The following MAP2K5 variants were observed in gnomAD, a reference collection of about 807,000 sequenced individuals.
MAP2K5 encodes dual specificity mitogen-activated protein kinase kinase 5.
In MAP2K5, 49 loss-of-function variants were observed where a neutral mutation model predicts 83.1. The ratio of observed to expected loss-of-function variants is 0.59; its 90% CI spans 0.47 to 0.75. MAP2K5 has a LOEUF of 0.75. Ranked by LOEUF, MAP2K5 falls within the 30% of genes least tolerant of loss-of-function variation. MAP2K5 has a pLI of 0.00. For synonymous variants in MAP2K5, 202 were observed against 191.8 expected (o/e 1.05, Z -0.44); for missense variants, 457 against 557.5 (o/e 0.82, Z 1.82).
intron 21 of MAP2K5, among the ~76,000 whole-genome samples, chr15:67,797,254 T>C (rs145928390): frequency 6.6e-6 from 1 of 152,362 alleles, no homozygotes; most frequent in East Asian, 1.9e-4. Context: ...TTATATATAG[T>C]TACTGCTTGT....
At chr15:67,633,112 C>T (rs946433494) in intron 9 of MAP2K5, among the ~76,000 whole-genome samples, 4 of 152,182 alleles carry the variant, frequency 2.6e-5, no homozygotes, top group South Asian at 2.1e-4. Context: ...GCTCACCGAG[C>T]GCGGCCCAGT....
In MAP2K5 at chr15:67,668,613, C is replaced by T. The variant is rs1458586655; in HGVS notation, c.847+3968C>T. On this transcript the variant is annotated intron_variant, in intron 13 of 21. Transcript: ENST00000178640. This position sits in a 1 kb window ranked among gnomAD's most constrained non-coding sequence, Gnocchi z 4.0. ...ATAAACCTACAGCTCCAGTCATAGC[C>T]ATCATTACCCACATCAAACATAAAT... 1.3e-5 allele frequency among the ~76,000 whole-genome samples: 2 copies of T among 152,110 alleles called. No individual in the cohort carries two copies. Among genetic ancestry groups the T allele is most frequent in the South Asian group, 2.1e-4 (1 of 4,824 alleles).
At chr15:67,797,873 G>T (rs1007376322) in intron 21 of MAP2K5, among the ~76,000 whole-genome samples, 5 of 152,108 alleles carry the variant, frequency 3.3e-5, no homozygotes, top group African/African-American at 1.2e-4. Context: ...AGTAGAGACA[G>T]GGTTTCACCG....
chr15:67,573,413 G>T lies in MAP2K5; in HGVS notation c.253-7341G>T, dbSNP rs1199352709. On this transcript the variant is annotated intron_variant, in intron 3 of 21. Transcript: ENST00000178640. This position sits in a 1 kb window ranked among gnomAD's most constrained non-coding sequence, Gnocchi z 4.2. Reference sequence around the variant, plus strand: ...GACAGTTGGGTAGAGGGTGGGGCGGGAGTTGCCACACACTTTTAAACCATC... The same window carrying T: ...GACAGTTGGGTAGAGGGTGGGGCGGTAGTTGCCACACACTTTTAAACCATC... Among the ~76,000 whole-genome samples the T allele has an allele frequency of 6.6e-6, 1 of 152,066 alleles. No individual in the cohort carries two copies. The highest frequency in any genetic ancestry group is 1.5e-5 in the Non-Finnish European group (1 of 68,008).
At chr15:67,740,141 C>G (rs2089461172) in intron 17 of MAP2K5, among the ~76,000 whole-genome samples, 1 of 152,148 alleles carries the variant, frequency 6.6e-6, no homozygotes, top group African/African-American at 2.4e-5. Context: ...TTTCAGGAAC[C>G]TTTAATAAGT....
rs1475754720 is a variant in MAP2K5, at chr15:67,806,801, C to G, written c.*51C>G. 6 of 1,596,276 alleles carry G rather than the reference C, an allele frequency of 3.8e-6. No homozygotes were observed. The highest frequency in any genetic ancestry group is 5.1e-6 in the Non-Finnish European group (6 of 1,178,308). ...AGGACCAGTAACCAAGGAGAACAAC[C>G]CACCCGTCGCCCTTCTCCGTATGCT... On this transcript the variant is annotated 3_prime_UTR_variant, in exon 22 of 22. Coordinates refer to ENST00000178640, the MANE Select transcript of MAP2K5 (RefSeq NM_145160.3).
intron 13 of MAP2K5, among the ~76,000 whole-genome samples, chr15:67,672,855 G>A (rs1026349525): frequency 1.3e-5 from 2 of 151,416 alleles, no homozygotes; most frequent in Non-Finnish European, 2.9e-5. Context: ...GTAAGGAAGG[G>A]ATCCAGTTTC....
chr15:67,581,335 A>G (rs1167355346), intron 4 of MAP2K5, among the ~76,000 whole-genome samples: 1 of 152,214 alleles, frequency 6.6e-6, no homozygotes, highest in Non-Finnish European at 1.5e-5. Flanking sequence ...CTCCAAAAAT[A>G]TGAGCTGATG....
intron 16 of MAP2K5, among the ~76,000 whole-genome samples, chr15:67,716,174 T>A (rs939485692): frequency 6.6e-6 from 1 of 152,062 alleles, no homozygotes; most frequent in African/African-American, 2.4e-5. Flanking sequence ...TTGTACCTTT[T>A]TAGACAAATA....
intron 8 of MAP2K5, among the ~76,000 whole-genome samples, chr15:67,604,814 G>A (rs1304859538): frequency 1.3e-5 from 2 of 151,790 alleles, no homozygotes; most frequent in East Asian, 2.0e-4. Flanking sequence ...AGAATAGCTT[G>A]AACCCGGGAG....
At chr15:67,592,395 G>A (rs2085434462) in intron 6 of MAP2K5, among the ~76,000 whole-genome samples, 1 of 152,096 alleles carries the variant, frequency 6.6e-6, no homozygotes, top group South Asian at 2.1e-4. Flanking sequence ...GGAAATTGAG[G>A]TTCAGAGAGG....
At chr15:67,734,043 G>A (rs1433571415) in intron 17 of MAP2K5, among the ~76,000 whole-genome samples, 2 of 152,222 alleles carry the variant, frequency 1.3e-5, no homozygotes, top group African/African-American at 2.4e-5. Context: ...TGATTTGGGA[G>A]CTTTGCCTTG....
Position 67,558,599 on chromosome 15 carries a change from A to G in MAP2K5, c.185-4684A>G, listed in dbSNP as rs146739378. 4.6e-5 allele frequency among the ~76,000 whole-genome samples: 7 copies of G among 152,272 alleles called. No homozygotes were observed. The East Asian group carries it at 1.2e-3, about 25-fold the overall frequency. Reference sequence around the variant, plus strand: ...CTTAAAATGCCCTCCAAGGCTCTGCATTTTCGCATCTGGCCTCAACCTGTC... The same window carrying G: ...CTTAAAATGCCCTCCAAGGCTCTGCGTTTTCGCATCTGGCCTCAACCTGTC... On this transcript the variant is annotated intron_variant, in intron 2 of 21. Transcript: ENST00000178640.
chr15:67,543,244 C>G lies in MAP2K5; in HGVS notation c.-92C>G. 7.5e-7 allele frequency: 1 copy of G among 1,334,022 alleles called. No homozygotes were observed. Among genetic ancestry groups the G allele is most frequent in the African/African-American group, 1.4e-5 (1 of 69,806 alleles). The allele number at this position is 1,334,022 out of a possible 1,614,324, so 82.6% of individuals were successfully genotyped here. On this transcript the variant is annotated 5_prime_UTR_variant, in exon 1 of 22. Transcript: ENST00000178640. The surrounding 1 kb of genome is among the most constrained non-coding windows in gnomAD (Gnocchi z 4.3). Reference sequence around the variant, plus strand: ...CTTGTTTTCACCCTCTGTCCTCTGCCCGTCACTCCCCTTGTCACCTCTTGG... The same window carrying G: ...CTTGTTTTCACCCTCTGTCCTCTGCGCGTCACTCCCCTTGTCACCTCTTGG...
chr15:67,748,326 G>C lies in MAP2K5; in HGVS notation c.1101+69G>C. The C allele has an allele frequency of 7.5e-7, 1 of 1,328,712 alleles. No homozygotes were observed. Among genetic ancestry groups the C allele is most frequent in the Non-Finnish European group, 1.1e-6 (1 of 925,874 alleles). The allele number at this position is 1,328,712 out of a possible 1,614,324, so 82.3% of individuals were successfully genotyped here. A position where few individuals can be genotyped will look rare whatever the true frequency, so the allele number is the denominator to read the frequency against. On this transcript the variant is annotated intron_variant, in intron 18 of 21. Coordinates refer to ENST00000178640, the MANE Select transcript of MAP2K5 (RefSeq NM_145160.3). The surrounding 1 kb of genome is among the most constrained non-coding windows in gnomAD (Gnocchi z 4.0). ...TGATGGCTGCTTCCTTTGCATGCTT[G>C]AATGCCTTGTTTTAAACTTAGCAAA...
At position 67,722,229 on chromosome 15, in the gene MAP2K5, G is replaced by A. The variant is rs947022960; in HGVS notation, c.1045-5687G>A. On this transcript the variant is annotated intron_variant, in intron 16 of 21. Transcript: ENST00000178640. The surrounding 1 kb of genome is among the most constrained non-coding windows in gnomAD (Gnocchi z 4.2). Reference sequence around the variant, plus strand: ...ATTCCACAAGTTATCAGCTAATGGCGTTATACATTAAAAATTGAAGCTTTC... The same window carrying A: ...ATTCCACAAGTTATCAGCTAATGGCATTATACATTAAAAATTGAAGCTTTC... Among the ~76,000 whole-genome samples, 5 of 152,118 alleles carry A rather than the reference G, an allele frequency of 3.3e-5. No homozygotes were observed. The highest frequency in any genetic ancestry group is 9.7e-5 in the African/African-American group (4 of 41,412).
At chr15:67,594,661 T>C (rs2085486125) in intron 7 of MAP2K5, among the ~76,000 whole-genome samples, 1 of 152,228 alleles carries the variant, frequency 6.6e-6, no homozygotes, top group South Asian at 2.1e-4. Context: ...AGGTTCTCTA[T>C]ATGGTGGGAG....
At chr15:67,568,924 T>C (rs938797304) in intron 3 of MAP2K5, among the ~76,000 whole-genome samples, 4 of 149,474 alleles carry the variant, frequency 2.7e-5, no homozygotes, top group African/African-American at 1.0e-4. Context: ...GAGAATTGCT[T>C]GAACCCGGGA....
chr15:67,764,971 G>A lies in MAP2K5; in HGVS notation c.1135-4631G>A, dbSNP rs2090014793. Among the ~76,000 whole-genome samples the A allele has an allele frequency of 1.3e-5, 2 of 152,026 alleles. No individual in the cohort carries two copies. Among genetic ancestry groups the A allele is most frequent in the Admixed American group, 6.5e-5 (1 of 15,276 alleles). ...TTCTTTTTAAACTTTCTATTTTGAC[G>A]TAATTTTTAGATTTACATACAGTTG... On this transcript the variant is annotated intron_variant, in intron 19 of 21. Coordinates refer to ENST00000178640, the MANE Select transcript of MAP2K5 (RefSeq NM_145160.3). The surrounding 1 kb of genome is among the most constrained non-coding windows in gnomAD (Gnocchi z 4.9).
Sources: gnomAD v4.1 joint callset for allele counts (sites outside exome capture counted in the v4.1 genomes callset) on GRCh38, gnomAD v4.1.1 for gene constraint, Gnocchi (gnomAD v3.1) non-coding constraint, MANE v1.5 for transcripts, NCBI Gene and HGNC (gene_info 2026-07-23, HGNC 2026-07-21) for gene names.